Variants in MEGF10 observed in about 807,000 individuals in gnomAD.
The protein encoded by MEGF10 is multiple EGF like domains 10, also known as multiple epidermal growth factor-like domains protein 10.
Under a neutral mutation model 147.5 loss-of-function variants are expected in MEGF10, and 86 were observed. The observed-to-expected ratio is 0.58, with a 90% CI of 0.49 to 0.70. The LOEUF is 0.70. Among genes scored for constraint, MEGF10 ranks in the 30% least tolerant of loss-of-function variants. The pLI is 0.00. For missense variants in MEGF10, 1,329 were observed against 1,487.3 expected (o/e 0.89, Z 1.75); for synonymous variants, 478 against 525.5 (o/e 0.91, Z 1.24).
the MEGF10 span, among the ~76,000 whole-genome samples, chr5:127,254,810 G>GA: frequency 2.6e-4 from 37 of 144,466 alleles, no homozygotes; most frequent in East Asian, 6.4e-4. Flanking sequence ...GACTCCATCT[G>GA]AAAAAAAAAA....
intron 13 of MEGF10, among the ~76,000 whole-genome samples, chr5:127,425,164 G>A (rs894841662): frequency 6.6e-5 from 10 of 152,216 alleles, no homozygotes; most frequent in Admixed American, 3.3e-4. Context: ...GATTTGGCCT[G>A]AAGCCAGCCG....
intron 1 of MEGF10, among the ~76,000 whole-genome samples, chr5:127,298,889 C>T (rs987746913): frequency 6.6e-6 from 1 of 152,192 alleles, no homozygotes; most frequent in Non-Finnish European, 1.5e-5. Flanking sequence ...CCCAAGGAAA[C>T]AGACACACTT....
the MEGF10 span, among the ~76,000 whole-genome samples, chr5:127,250,818 A>T: frequency 6.6e-6 from 1 of 152,040 alleles, no homozygotes; most frequent in African/African-American, 2.4e-5. Flanking sequence ...AGTACGACAG[A>T]TACAAAATTA....
the MEGF10 span, among the ~76,000 whole-genome samples, chr5:127,285,741 G>T: frequency 3.3e-5 from 5 of 151,716 alleles, no homozygotes; most frequent in African/African-American, 1.2e-4. Context: ...GAAATAAGAT[G>T]AACTATTCTT....
rs556243609 is a variant in MEGF10 at position 127,432,770 on chromosome 5, C to A, written c.1694-593C>A. On this transcript the variant is annotated intron_variant, in intron 13 of 24. Transcript: ENST00000503335. Reference sequence around the variant, plus strand: ...TAATCGATAGCATAGACAACAGCTACAAATAATGTCAGTTGTGATATTCTG... The same window carrying A: ...TAATCGATAGCATAGACAACAGCTAAAAATAATGTCAGTTGTGATATTCTG... Among the ~76,000 whole-genome samples, 4 of 152,272 alleles carry A rather than the reference C, an allele frequency of 2.6e-5. No individual in the cohort carries two copies. The South Asian group carries it at 8.3e-4, about 32-fold the overall frequency.
chr5:127,368,310 TGG>T (rs149225448), intron 4 of MEGF10, among the ~76,000 whole-genome samples: 46 of 152,334 alleles, frequency 3.0e-4, no homozygotes, highest in African/African-American at 1.1e-3. Flanking sequence ...AACTCTACCC[TGG>T]ACCAGGGTCC....
Position 127,340,639 on chromosome 5 carries a change from G to A in MEGF10, c.319+9G>A, listed in dbSNP as rs1316796244. ...CGGGGAAATGTGTGTCCGTAAGTAA[G>A]ACTGTCACCCCTTTGAGATTCGCTA... On this transcript the variant is annotated intron_variant, in intron 4 of 24. Coordinates refer to ENST00000503335, the MANE Select transcript of MEGF10 (RefSeq NM_001256545.2). 6.2e-7 allele frequency: 1 copy of A among 1,607,600 alleles called. No homozygotes were observed. Among genetic ancestry groups the A allele is most frequent in the South Asian group, 1.1e-5 (1 of 90,892 alleles).
chr5:127,257,995 T>C, the MEGF10 span, among the ~76,000 whole-genome samples: 6 of 152,342 alleles, frequency 3.9e-5, no homozygotes, highest in Non-Finnish European at 8.8e-5. Context: ...AAAGAATATC[T>C]GTAACATAGT....
chr5:127,319,046 T>A (rs971367099), intron 1 of MEGF10, among the ~76,000 whole-genome samples: 1 of 69,386 alleles, frequency 1.4e-5, no homozygotes, highest in Non-Finnish European at 2.8e-5. Flanking sequence ...CCTCCCTCCC[T>A]TCCTCCCTCC....
chr5:127,290,003 G>A (rs183752324), upstream of MEGF10, among the ~76,000 whole-genome samples: 39 of 152,298 alleles, frequency 2.6e-4, no homozygotes, highest in East Asian at 3.5e-3. Context: ...AGTCAGAGAA[G>A]CAGATTCCAG....
Position 127,443,132 on chromosome 5 carries a change from TA to T in MEGF10, c.2491+7del. The T allele has an allele frequency of 5.6e-6, 9 of 1,611,288 alleles. No homozygotes were observed. The highest frequency in any genetic ancestry group is 7.6e-6 in the Non-Finnish European group (9 of 1,178,414). Reference sequence around the variant, plus strand: ...GGGAGCGAGATGTGATCAAGGTAAATATACTAGCTAATGTTTGTAGCACTGC... The same window carrying T: ...GGGAGCGAGATGTGATCAAGGTAAATTACTAGCTAATGTTTGTAGCACTGC... On this transcript the variant is annotated splice_region_variant and intron_variant, in intron 19 of 24. Transcript: ENST00000503335.
intron 5 of MEGF10, among the ~76,000 whole-genome samples, chr5:127,391,591 G>C (rs1763699426): frequency 6.7e-6 from 1 of 150,128 alleles, no homozygotes; most frequent in Admixed American, 6.6e-5. Context: ...AAAAAAAAGA[G>C]AGTGCTGGTT....
intron 5 of MEGF10, among the ~76,000 whole-genome samples, chr5:127,388,356 C>A (rs960732466): frequency 5.9e-5 from 9 of 151,796 alleles, no homozygotes; most frequent in South Asian, 2.1e-4. Flanking sequence ...GCCATGTTAC[C>A]CAGGCTGGTC....
At chr5:127,431,029 A>G (rs1170935486) in intron 13 of MEGF10, among the ~76,000 whole-genome samples, 1 of 152,248 alleles carries the variant, frequency 6.6e-6, no homozygotes, top group Admixed American at 6.5e-5. Flanking sequence ...TCAATGATCT[A>G]TAGAATTTGC....
chr5:127,351,090 G>A (rs1184939945), intron 4 of MEGF10, among the ~76,000 whole-genome samples: 1 of 151,956 alleles, frequency 6.6e-6, no homozygotes. Flanking sequence ...AGCACAACAG[G>A]GTGATTATAG....
Position 127,440,789 on chromosome 5 carries a change from CA to C in MEGF10, c.2288del (p.Asn763ThrfsTer43). ...GKDCALICQC[Q>X]NGADCDHISG... ...AGATTGTGCACTGATATGCCAATGT[CA>C]AAACGGAGCTGACTGCGACCACATT... On this transcript the variant is annotated frameshift_variant, in exon 18 of 25. Transcript: ENST00000503335. LOFTEE classifies it high-confidence loss of function. 6.2e-7 allele frequency: 1 copy of C among 1,614,112 alleles called. No individual in the cohort carries two copies. The highest frequency in any genetic ancestry group is 8.5e-7 in the Non-Finnish European group (1 of 1,179,980).
At chr5:127,441,414 A>T (rs896401030) in intron 18 of MEGF10, among the ~76,000 whole-genome samples, 77 of 152,286 alleles carry the variant, frequency 5.1e-4, no homozygotes, top group African/African-American at 1.8e-3. Flanking sequence ...CAGACAACAT[A>T]CTGCCTTAAA....
intron 13 of MEGF10, among the ~76,000 whole-genome samples, chr5:127,426,146 C>G (rs940367205): frequency 3.3e-5 from 5 of 152,166 alleles, no homozygotes; most frequent in African/African-American, 1.2e-4. Context: ...AAGTCTCACC[C>G]TAAGGTGAGA....
At chr5:127,403,741 A>G (rs1225763755) in intron 8 of MEGF10, among the ~76,000 whole-genome samples, 3 of 152,176 alleles carry the variant, frequency 2.0e-5, no homozygotes, top group Non-Finnish European at 4.4e-5. Context: ...AATGATCTCC[A>G]GTTCTATCCA....
Sources: gnomAD v4.1 joint callset for allele counts (sites outside exome capture counted in the v4.1 genomes callset) on GRCh38, gnomAD v4.1.1 for gene constraint, MANE v1.5 for transcripts, NCBI Gene and HGNC (gene_info 2026-07-23, HGNC 2026-07-21) for gene names.